Variants in CHN2 observed in about 807,000 individuals in gnomAD.
CHN2 encodes the protein chimerin 2, also known as beta-chimaerin.
A neutral mutation model predicts 56.3 loss-of-function variants in CHN2; 35 were observed. The ratio of observed to expected loss-of-function variants is 0.62; its 90% CI spans 0.47 to 0.82. The LOEUF is 0.82. Ranked by LOEUF, CHN2 falls within the 40% of genes least tolerant of loss-of-function variation. The probability of loss-of-function intolerance (pLI) is 0.00; values close to 1 mark genes in which losing one functional copy is unlikely to be tolerated. For synonymous variants in CHN2, 210 were observed against 212.8 expected (o/e 0.99, Z 0.12); for missense variants, 491 against 580.5 (o/e 0.85, Z 1.58).
At chr7:29,474,050 C>T (rs187566471) in intron 6 of CHN2, among the ~76,000 whole-genome samples, 35 of 152,212 alleles carry the variant, frequency 2.3e-4, no homozygotes, top group Admixed American at 2.0e-3. Flanking sequence ...TGCTTATCTT[C>T]AGCAGTTTGA....
At position 29,204,184 on chromosome 7, in the gene CHN2, A is replaced by C. The variant is rs181452384; in HGVS notation, c.49+9194A>C. The stretch of plus-strand genomic sequence containing the variant: ...CATGGATAAGTATGTGGGTTTACAT[A>C]CACATCCACACATATCTGTATTTCT... On this transcript the variant is annotated intron_variant, in intron 1 of 12. Transcript: ENST00000222792. Among the ~76,000 whole-genome samples, 6 of 152,112 alleles carry C rather than the reference A, an allele frequency of 3.9e-5. No individual in the cohort carries two copies. The East Asian group carries it at 1.2e-3, about 29-fold the overall frequency.
At chr7:29,396,456 CT>C (rs1200181158) in intron 4 of CHN2, among the ~76,000 whole-genome samples, 1 of 75,046 alleles carries the variant, frequency 1.3e-5, no homozygotes, top group Non-Finnish European at 2.5e-5. Context: ...GTGAGACTCT[CT>C]CCAAAAAAAA....
chr7:29,449,794 G>A (rs550217021), intron 6 of CHN2, among the ~76,000 whole-genome samples: 30 of 152,328 alleles, frequency 2.0e-4, no homozygotes, highest in Non-Finnish European at 3.7e-4. Flanking sequence ...GGGTACAGAT[G>A]TTCAAGGCAT....
At chr7:29,252,924 A>G (rs1788757481) in intron 1 of CHN2, among the ~76,000 whole-genome samples, 1 of 152,152 alleles carries the variant, frequency 6.6e-6, no homozygotes, top group Admixed American at 6.5e-5. Context: ...TGCATCTTAT[A>G]GAGAGTGAGA....
At chr7:29,260,510 GA>G (rs1294738916) in intron 1 of CHN2, among the ~76,000 whole-genome samples, 1 of 152,100 alleles carries the variant, frequency 6.6e-6, no homozygotes, top group Non-Finnish European at 1.5e-5. Flanking sequence ...TTGCAGTGAG[GA>G]GGGGGGAATC....
At chr7:29,151,757 T>A (rs757727058) in intron 2 of CHN2, among the ~76,000 whole-genome samples, 10 of 152,220 alleles carry the variant, frequency 6.6e-5, no homozygotes, top group Non-Finnish European at 1.3e-4. Context: ...ACCTTTGCTG[T>A]GTTAATTAAC....
chr7:29,495,869 C>CTGA (rs1789214887), intron 7 of CHN2, 83 bp from the exon 8 acceptor site: 14 of 1,140,448 alleles, frequency 1.2e-5, no homozygotes, highest in Non-Finnish European at 1.8e-5. Flanking sequence ...ATCGCTCCTG[C>CTGA]TGATCTTCAT....
chr7:29,172,358 C>T, intron 2 of CHN2, among the ~76,000 whole-genome samples: 1 of 152,178 alleles, frequency 6.6e-6, no homozygotes, highest in East Asian at 1.9e-4. Flanking sequence ...GACTTCTACA[C>T]CTAGGCTCAC....
chr7:29,273,892 C>A (rs1294172201), intron 1 of CHN2, among the ~76,000 whole-genome samples: 1 of 152,066 alleles, frequency 6.6e-6, no homozygotes, highest in Non-Finnish European at 1.5e-5. Flanking sequence ...TAAGAGTGAA[C>A]AAGTTAAATA....
chr7:29,441,611 T>C (rs1010550986), intron 6 of CHN2, among the ~76,000 whole-genome samples: 1 of 151,920 alleles, frequency 6.6e-6, no homozygotes, highest in African/African-American at 2.4e-5. Flanking sequence ...AATGAAAAAA[T>C]AGGCAAGAAA....
chr7:29,381,739 T>C (rs1800521483), intron 3 of CHN2, among the ~76,000 whole-genome samples: 2 of 148,424 alleles, frequency 1.3e-5, no homozygotes, highest in Admixed American at 1.4e-4. Flanking sequence ...GCCCTGGAGA[T>C]TTTGATTTAA....
chr7:29,302,831 C>T (rs28663588), intron 1 of CHN2, among the ~76,000 whole-genome samples: 10 of 152,314 alleles, frequency 6.6e-5, no homozygotes, highest in African/African-American at 2.4e-4. Context: ...ACTCCACATA[C>T]CTCATATAAG....
At chr7:29,354,710 G>A (rs758700667) in intron 2 of CHN2, 47 bp downstream of exon 2, 1 of 1,566,238 alleles carries the variant, frequency 6.4e-7, no homozygotes, top group South Asian at 1.1e-5. Flanking sequence ...TAGCAGGCCA[G>A]CCTTTCTGAA....
intron 6 of CHN2, among the ~76,000 whole-genome samples, chr7:29,468,136 A>ACCCC (rs761559871): frequency 5.5e-5 from 2 of 36,102 alleles, no homozygotes; most frequent in African/African-American, 2.1e-4. Flanking sequence ...AACCAAACGG[A>ACCCC]CCCGCCCCCC....
At chr7:29,391,905 T>G (rs1035044215) in intron 3 of CHN2, among the ~76,000 whole-genome samples, 1 of 152,218 alleles carries the variant, frequency 6.6e-6, no homozygotes, top group African/African-American at 2.4e-5. Context: ...TCAGCATCTA[T>G]TAACTGTTTA....
At chr7:29,218,888 G>A (rs941572489) in intron 1 of CHN2, among the ~76,000 whole-genome samples, 4 of 151,446 alleles carry the variant, frequency 2.6e-5, no homozygotes, top group Non-Finnish European at 5.9e-5. Context: ...CACCAGCATG[G>A]CACATGTATA....
At chr7:29,205,382 A>G (rs1784444220) in intron 1 of CHN2, among the ~76,000 whole-genome samples, 1 of 152,180 alleles carries the variant, frequency 6.6e-6, no homozygotes, top group South Asian at 2.1e-4. Context: ...TGGTCCAAAC[A>G]CCAGCACCAA....
chr7:29,418,915 C>T (rs1039758655), intron 6 of CHN2, among the ~76,000 whole-genome samples: 2 of 152,130 alleles, frequency 1.3e-5, no homozygotes, highest in African/African-American at 4.8e-5. Context: ...TCGTGCTTGG[C>T]GAAACTCAGC....
At chr7:29,314,622 A>T (rs549980530) in intron 1 of CHN2, among the ~76,000 whole-genome samples, 36 of 152,314 alleles carry the variant, frequency 2.4e-4, no homozygotes, top group Non-Finnish European at 4.6e-4. Context: ...CAACAAAAAT[A>T]TTCAAAGAAG....
Sources: allele counts gnomAD v4.1 joint callset (sites outside exome capture counted in the v4.1 genomes callset), GRCh38; gene constraint gnomAD v4.1.1; transcripts MANE v1.5; gene names NCBI Gene and HGNC (gene_info 2026-07-23, HGNC 2026-07-21).